PIK3R3: variants seen among roughly 807,000 people sequenced by gnomAD.
PIK3R3 encodes the protein phosphoinositide-3-kinase regulatory subunit 3.
Under a neutral mutation model 62.9 loss-of-function variants are expected in PIK3R3, and 64 were observed. That is an observed-to-expected ratio of 1.02 (90% CI 0.83 to 1.25). PIK3R3 has a LOEUF of 1.25. Ranked by LOEUF, PIK3R3 falls within the 50% of genes most tolerant of loss-of-function variation. PIK3R3 has a pLI of 0.00. For missense variants in PIK3R3, 614 were observed against 561.6 expected (o/e 1.09, Z -0.94); for synonymous variants, 165 against 189.0 (o/e 0.87, Z 1.04).
the PIK3R3 span, among the ~76,000 whole-genome samples, chr1:46,145,138 A>AG: frequency 1.2e-4 from 18 of 151,554 alleles, no homozygotes; most frequent in African/African-American, 4.1e-4. Flanking sequence ...AAAAAAAAAA[A>AG]AAGAAGAAGA....
At chr1:46,081,840 C>T (rs1650620982) in intron 1 of PIK3R3, among the ~76,000 whole-genome samples, 1 of 152,044 alleles carries the variant, frequency 6.6e-6, no homozygotes, top group African/African-American at 2.4e-5. Context: ...GAAGGAAGTG[C>T]TCAAAGAATG....
chr1:46,129,401 TTTTATTTA>T lies in PIK3R3; in HGVS notation c.106+2438_106+2445del, dbSNP rs201511245. Among the ~76,000 whole-genome samples, 615 of 131,652 alleles carry T rather than the reference TTTTATTTA, an allele frequency of 4.7e-3. 6 individuals are homozygous for T. The highest frequency in any genetic ancestry group is 0.03 in the South Asian group (123 of 4,158). 86.4% of individuals were successfully genotyped at this position (131,652 alleles called of 152,430 possible). On this transcript the variant is annotated intron_variant, in intron 1 of 9. Coordinates refer to ENST00000262741, the MANE Select transcript of PIK3R3 (RefSeq NM_003629.4). ...TATGAGAGGGTAAGCAATTGGGGGA[TTTTATTTA>T]TTTATTTATTTATTTATTTATTTAT...
At chr1:46,145,080 G>A in the PIK3R3 span, among the ~76,000 whole-genome samples, 4 of 148,044 alleles carry the variant, frequency 2.7e-5, no homozygotes, top group Admixed American at 1.4e-4. Context: ...CTAAGATCGC[G>A]CCATTGCACT....
intron 1 of PIK3R3, among the ~76,000 whole-genome samples, chr1:46,120,518 A>G (rs1441600256): frequency 2.0e-5 from 3 of 152,224 alleles, no homozygotes; most frequent in Non-Finnish European, 2.9e-5. Context: ...GGTTGCAATG[A>G]GCTGAGATCG....
At chr1:46,166,365 G>A in the PIK3R3 span, among the ~76,000 whole-genome samples, 1 of 151,972 alleles carries the variant, frequency 6.6e-6, no homozygotes, top group African/African-American at 2.4e-5. Context: ...TGGGATTACA[G>A]GTGTGCGCCT....
At chr1:46,045,736 C>A (rs1455921397) in intron 9 of PIK3R3, among the ~76,000 whole-genome samples, 182 bp downstream of exon 9, 2 of 141,488 alleles carry the variant, frequency 1.4e-5, no homozygotes, top group Non-Finnish European at 3.0e-5. Flanking sequence ...AATTAAAACT[C>A]CAAGATAATT....
intron 1 of PIK3R3, among the ~76,000 whole-genome samples, chr1:46,111,526 G>C (rs1653742333): frequency 6.6e-6 from 1 of 152,126 alleles, no homozygotes; most frequent in Non-Finnish European, 1.5e-5. Context: ...AGGAATTCAA[G>C]ACCAGCCTGG....
the PIK3R3 span, among the ~76,000 whole-genome samples, chr1:46,148,614 C>T: frequency 6.6e-6 from 1 of 152,232 alleles, no homozygotes; most frequent in Admixed American, 6.5e-5. Context: ...AAGCAGAGTG[C>T]AGGGATCAGT....
At chr1:46,138,222 G>A in the PIK3R3 span, among the ~76,000 whole-genome samples, 37 of 152,296 alleles carry the variant, frequency 2.4e-4, no homozygotes, top group East Asian at 4.0e-3. Context: ...ATAGCTTTGA[G>A]CAACTTGTAG....
intron 7 of PIK3R3, 62 bp from the exon 8 acceptor site, chr1:46,046,687 T>C (rs1647126587): frequency 8.6e-7 from 1 of 1,161,808 alleles, no homozygotes; most frequent in Non-Finnish European, 1.3e-6. Flanking sequence ...AAAGTAGGTA[T>C]GTCTGAGCCA....
intron 1 of PIK3R3, among the ~76,000 whole-genome samples, chr1:46,113,108 A>C (rs1264641185): frequency 1.3e-5 from 2 of 151,982 alleles, no homozygotes; most frequent in Admixed American, 6.6e-5. Flanking sequence ...TCCTTCTTTA[A>C]TCTTATTCTC....
intron 1 of PIK3R3, among the ~76,000 whole-genome samples, chr1:46,120,459 G>C (rs1194819481): frequency 2.0e-5 from 3 of 152,070 alleles, no homozygotes; most frequent in Non-Finnish European, 4.4e-5. Flanking sequence ...TGTAATCCCA[G>C]CTACTCAGGA....
chr1:46,130,238 A>G (rs1316809193), intron 1 of PIK3R3, among the ~76,000 whole-genome samples: 1 of 152,240 alleles, frequency 6.6e-6, no homozygotes, highest in East Asian at 1.9e-4. Flanking sequence ...TATAATTCTT[A>G]TAACAGGAAT....
Position 46,046,585 on chromosome 1 carries a change from C to T in PIK3R3, c.982G>A (p.Val328Ile). 6.2e-7 allele frequency: 1 copy of T among 1,613,662 alleles called. No homozygotes were observed. The highest frequency in any genetic ancestry group is 8.5e-7 in the Non-Finnish European group (1 of 1,179,552). The change falls in exon 8 of 10, where the codon GTC becomes ATC. Residue 328 changes from valine to isoleucine, a missense_variant. Val to Ile is a conservative substitution (Grantham distance 29, BLOSUM62 3). Coordinates refer to ENST00000262741, the MANE Select transcript of PIK3R3 (RefSeq NM_003629.4). ...HKGVRQKRLN[V>I]WLGIKNEDAD... Reference sequence around the variant, plus strand: ...TCCTCATTCTTAATTCCCAGCCAGACATTCAGGCGTTTCTGTCTCACTCCT... The same window carrying T: ...TCCTCATTCTTAATTCCCAGCCAGATATTCAGGCGTTTCTGTCTCACTCCT...
At chr1:46,074,455 AC>A (rs1649879760) in intron 3 of PIK3R3, among the ~76,000 whole-genome samples, 2 of 152,030 alleles carry the variant, frequency 1.3e-5, no homozygotes, top group African/African-American at 4.8e-5. Flanking sequence ...TAGCTTTTTT[AC>A]CATGTAGCAC....
intron 2 of PIK3R3, 107 bp from the exon 3 acceptor site, chr1:46,077,720 T>A: frequency 1.4e-6 from 1 of 691,942 alleles, no homozygotes; most frequent in Non-Finnish European, 2.6e-6. Context: ...CGGCAGTAGG[T>A]GTGCCTGAGG....
intron 7 of PIK3R3, among the ~76,000 whole-genome samples, chr1:46,055,427 C>G (rs1647795057): frequency 6.6e-6 from 1 of 152,156 alleles, no homozygotes; most frequent in Admixed American, 6.5e-5. Context: ...TACTTCCCCT[C>G]AGAGGAAATA....
chr1:46,112,394 A>T (rs560293097), intron 1 of PIK3R3, among the ~76,000 whole-genome samples: 1 of 152,168 alleles, frequency 6.6e-6, no homozygotes, highest in Admixed American at 6.5e-5. Flanking sequence ...CAAATATTGG[A>T]AACATTATAA....
chr1:46,166,715 G>T, the PIK3R3 span, among the ~76,000 whole-genome samples: 1 of 152,206 alleles, frequency 6.6e-6, no homozygotes, highest in Non-Finnish European at 1.5e-5. Context: ...GGTACCTCGA[G>T]GATGAGAACA....
Sources: allele counts gnomAD v4.1 joint callset (sites outside exome capture counted in the v4.1 genomes callset), GRCh38; gene constraint gnomAD v4.1.1; transcripts MANE v1.5; gene names NCBI Gene and HGNC (gene_info 2026-07-23, HGNC 2026-07-21).